Variants in KIAA1217 observed in about 807,000 individuals in gnomAD.
KIAA1217 encodes the protein sickle tail protein homolog.
KIAA1217 carries 88 observed loss-of-function variants against 163.9 expected under a neutral mutation model. The ratio of observed to expected loss-of-function variants is 0.54; its 90% confidence interval spans 0.45 to 0.64. KIAA1217 has a LOEUF of 0.64. KIAA1217 is among the 30% of genes least tolerant of loss of function. KIAA1217 has a pLI of 0.00. For missense variants in KIAA1217, 2,372 were observed against 2,475.0 expected, an observed-to-expected ratio of 0.96 and a Z score of 0.88; for synonymous variants, 903 against 923.1, an observed-to-expected ratio of 0.98 and a Z score of 0.39.
At chr10:24,054,985 C>T (rs993830045) in intron 2 of KIAA1217, among the ~76,000 whole-genome samples, 6 of 152,070 alleles carry the variant, frequency 3.9e-5, no homozygotes, top group African/African-American at 9.7e-5. Context: ...TTTTCTTAGA[C>T]GCTGGGCATG....
chr10:24,008,650 C>G (rs1847112958), intron 2 of KIAA1217, among the ~76,000 whole-genome samples: 2 of 152,050 alleles, frequency 1.3e-5, no homozygotes, highest in Admixed American at 6.6e-5. Flanking sequence ...CCTCTCAGCT[C>G]CCGGTGATTT....
chr10:24,443,858 A>C (rs1462172970), intron 5 of KIAA1217, among the ~76,000 whole-genome samples: 1 of 152,220 alleles, frequency 6.6e-6, no homozygotes, highest in African/African-American at 2.4e-5. Context: ...AAAATACTGC[A>C]GCAAACCAAG....
chr10:23,698,636 A>G (rs1362340367), intron 1 of KIAA1217, among the ~76,000 whole-genome samples: 1 of 152,220 alleles, frequency 6.6e-6, no homozygotes, highest in African/African-American at 2.4e-5. Flanking sequence ...TGCAGATGAG[A>G]AAACTGGAGC....
At chr10:24,470,375 G>A (rs2063378312) in intron 5 of KIAA1217, among the ~76,000 whole-genome samples, 1 of 152,188 alleles carries the variant, frequency 6.6e-6, no homozygotes, top group Admixed American at 6.5e-5. Flanking sequence ...CTAAAGCACT[G>A]AGCACCTGAG....
chr10:23,886,126 A>G (rs2131202098), intron 1 of KIAA1217, among the ~76,000 whole-genome samples: 1 of 151,958 alleles, frequency 6.6e-6, no homozygotes, highest in Non-Finnish European at 1.5e-5. Flanking sequence ...CTGTTAGTAG[A>G]CGAATCATTA....
chr10:24,544,450 C>T lies in KIAA1217; in HGVS notation c.5180C>T (p.Pro1727Leu). ...VPDEGPTALE[P>L]PTSIPSASRK... ...GATGAAGGTCCCACTGCCCTAGAGC[C>T]CCCTACGTCGATACCTTCAGCTTCA... Residue 1727 changes from proline to leucine, a missense_variant, in exon 19 of 21, where the codon CCC becomes CTC. Physicochemically the swap from Pro to Leu is moderately conservative, Grantham distance 98 (BLOSUM62 -3). Transcript: ENST00000376454. 1 of 1,613,672 alleles carries T rather than the reference C, an allele frequency of 6.2e-7. No individual in the cohort carries two copies. Among genetic ancestry groups the T allele is most frequent in the Non-Finnish European group, 8.5e-7 (1 of 1,179,716 alleles).
rs987322356 is a variant in KIAA1217 at position 23,935,644 on chromosome 10, T to A, written c.-320-71581T>A. Reference sequence around the variant, plus strand: ...ACTTCAGAGACAGTATCTGTGGTATTGATAAAACAAATAAAAGGTACACAG... The same window carrying A: ...ACTTCAGAGACAGTATCTGTGGTATAGATAAAACAAATAAAAGGTACACAG... On this transcript the variant is annotated intron_variant, in intron 1 of 18. Transcript: ENST00000376462. Among the ~76,000 whole-genome samples, 11 of 151,186 alleles carry A rather than the reference T, an allele frequency of 7.3e-5. No homozygotes were observed. In the South Asian group the frequency reaches 8.3e-4, roughly 11 times the overall value.
chr10:23,858,436 T>TAC (rs1491415118), intron 1 of KIAA1217, among the ~76,000 whole-genome samples: 1 of 149,662 alleles, frequency 6.7e-6, no homozygotes, highest in East Asian at 2.1e-4. Context: ...ATATATGCTG[T>TAC]ATATATATAT....
chr10:24,285,218 C>T (rs900337813), intron 2 of KIAA1217, among the ~76,000 whole-genome samples: 4 of 152,164 alleles, frequency 2.6e-5, no homozygotes, highest in African/African-American at 9.7e-5. Flanking sequence ...TGTGCAGAAG[C>T]TCTTCAGTTT....
intron 1 of KIAA1217, among the ~76,000 whole-genome samples, chr10:23,855,447 AT>A (rs1302751468): frequency 2.0e-5 from 3 of 151,762 alleles, no homozygotes; most frequent in Non-Finnish European, 4.4e-5. Context: ...TGCCCTTAAC[AT>A]TTTTTCCTTC....
chr10:24,310,087 C>T (rs2042510974), intron 2 of KIAA1217, among the ~76,000 whole-genome samples: 1 of 152,012 alleles, frequency 6.6e-6, no homozygotes, highest in African/African-American at 2.4e-5. Context: ...TGCTTTTTTT[C>T]TTGACTCCCC....
intron 5 of KIAA1217, among the ~76,000 whole-genome samples, chr10:24,443,425 C>T (rs1192311882): frequency 6.6e-6 from 1 of 152,202 alleles, no homozygotes; most frequent in Non-Finnish European, 1.5e-5. Flanking sequence ...TTACTTCCCA[C>T]ATCTCATTCT....
intron 2 of KIAA1217, among the ~76,000 whole-genome samples, chr10:24,098,103 G>C (rs2062235447): frequency 6.6e-6 from 1 of 152,072 alleles, no homozygotes; most frequent in African/African-American, 2.4e-5. Flanking sequence ...GTGGGTTATG[G>C]ACCTGATGAC....
intron 1 of KIAA1217, among the ~76,000 whole-genome samples, chr10:24,217,319 A>G (rs576013619): frequency 5.9e-5 from 9 of 152,260 alleles, no homozygotes; most frequent in African/African-American, 1.9e-4. Flanking sequence ...TTAGCCCCCA[A>G]TATCTTTTAA....
chr10:23,914,697 T>G (rs1302898241), intron 1 of KIAA1217, among the ~76,000 whole-genome samples: 1 of 152,072 alleles, frequency 6.6e-6, no homozygotes, highest in East Asian at 1.9e-4. Context: ...TGATCCTCCC[T>G]CCCCTCTTTC....
At chr10:24,047,690 T>C (rs76469617) in intron 2 of KIAA1217, among the ~76,000 whole-genome samples, 2,166 of 152,266 alleles carry the variant, frequency 0.014, 50 homozygotes, top group African/African-American at 0.05. Context: ...TGCATCTCCT[T>C]TTCTATAGCA....
rs1588612316 is a variant in KIAA1217, at chr10:23,694,895, C to A, written c.-660C>A. 12 of 152,708 alleles carry A rather than the reference C, an allele frequency of 7.9e-5. 1 individual carries two copies. Among genetic ancestry groups the A allele is most frequent in the African/African-American group, 2.6e-4 (11 of 41,586 alleles). 9.5% of individuals were successfully genotyped at this position (152,708 alleles called of 1,614,324 possible). On this transcript the variant is annotated 5_prime_UTR_variant, in exon 1 of 19. Coordinates refer to the KIAA1217 transcript ENST00000376462. ...CCTCCAGGTGAATTGAAAGTCGTTT[C>A]CGGGGGAGGACGGAGAGGGTGCTGC... is the stretch of plus-strand genomic sequence containing the variant.
intron 20 of KIAA1217, 33 bp downstream of exon 20, chr10:24,545,136 C>A (rs759509189): frequency 6.2e-6 from 10 of 1,612,398 alleles, no homozygotes; most frequent in Non-Finnish European, 8.5e-6. Context: ...TTTGGATGGA[C>A]GCTATTTCAG....
chr10:24,354,425 A>G (rs533610039), intron 2 of KIAA1217, among the ~76,000 whole-genome samples: 1 of 152,304 alleles, frequency 6.6e-6, no homozygotes, highest in South Asian at 2.1e-4. Flanking sequence ...GGGTGCCTGC[A>G]ACTCTCAAAG....
Sources: gnomAD v4.1 joint callset for allele counts (sites outside exome capture counted in the v4.1 genomes callset) on GRCh38, gnomAD v4.1.1 for gene constraint, MANE v1.5 for transcripts, NCBI Gene and HGNC (gene_info 2026-07-23, HGNC 2026-07-21) for gene names.